The following TMEM170A variants were observed in gnomAD, a reference collection of about 807,000 sequenced individuals.
TMEM170A encodes transmembrane protein 170.
A neutral mutation model predicts 12.8 loss-of-function variants in TMEM170A; 18 were observed. That is an observed-to-expected ratio of 1.41 (90% CI 0.97 to 2.09). The LOEUF (loss-of-function observed/expected upper bound fraction) is 2.09, where lower values mean the gene tolerates loss of function less well. Among genes scored for constraint, TMEM170A ranks in the 30% most tolerant of loss-of-function variants. The pLI, the probability that TMEM170A is intolerant of heterozygous loss-of-function variation, is 0.00. For synonymous variants in TMEM170A, 107 were observed against 76.2 expected, an observed-to-expected ratio of 1.40 and a Z score of -2.11; for missense variants, 220 against 179.9, an observed-to-expected ratio of 1.22 and a Z score of -1.28.
rs1043785362 is a variant in TMEM170A, at chr16:75,443,249, A to C, written c.*4309T>G. 2 of 152,246 alleles carry C rather than the reference A, an allele frequency of 1.3e-5. No individual in the cohort carries two copies. Among genetic ancestry groups the C allele is most frequent in the African/African-American group, 4.8e-5 (2 of 41,458 alleles). The allele number at this position is 152,246 out of a possible 1,614,324, so 9.4% of individuals were successfully genotyped here. ...AATATAATTCCAACTCAGAATTGAA[A>C]GTAATTTTTTATTGATAAACATTTA... On this transcript the variant is annotated 3_prime_UTR_variant, in exon 3 of 3. Transcript: ENST00000561878.
chr16:75,460,423 C>T (rs574888013), intron 1 of TMEM170A, among the ~76,000 whole-genome samples: 2 of 152,172 alleles, frequency 1.3e-5, no homozygotes, highest in Non-Finnish European at 2.9e-5. Context: ...CCGACACAGT[C>T]CCTCCAGGCA....
intron 2 of TMEM170A, among the ~76,000 whole-genome samples, chr16:75,448,145 C>T (rs1567696744): frequency 6.6e-6 from 1 of 152,228 alleles, no homozygotes; most frequent in East Asian, 1.9e-4. Flanking sequence ...ACAGGGAATC[C>T]CCACTCCACC....
At chr16:75,456,193 A>G (rs552750822) in intron 1 of TMEM170A, among the ~76,000 whole-genome samples, 1 of 152,124 alleles carries the variant, frequency 6.6e-6, no homozygotes, top group Admixed American at 6.5e-5. Context: ...TTCAGAGCAT[A>G]TTCTGAACAC....
intron 1 of TMEM170A, among the ~76,000 whole-genome samples, chr16:75,462,815 G>T (rs1184726311): frequency 1.3e-5 from 2 of 152,116 alleles, no homozygotes; most frequent in Non-Finnish European, 2.9e-5. Flanking sequence ...GGACAATTGG[G>T]GAAATGTAAA....
At chr16:75,464,247 G>A (rs1358914395) in intron 1 of TMEM170A, 3 of 1,501,642 alleles carry the variant, frequency 2.0e-6, no homozygotes, top group African/African-American at 1.4e-5. Context: ...GCCGCTCTCT[G>A]CATCTCACGC....
At chr16:75,453,490 C>T (rs570730703) in intron 1 of TMEM170A, among the ~76,000 whole-genome samples, 1 of 152,298 alleles carries the variant, frequency 6.6e-6, no homozygotes, top group African/African-American at 2.4e-5. Flanking sequence ...ATAAGAGGCA[C>T]AAGCCAAAGA....
chr16:75,451,874 T>C (rs1452938225), intron 1 of TMEM170A, 35 bp from the exon 2 acceptor site: 2 of 1,565,376 alleles, frequency 1.3e-6, no homozygotes, highest in Non-Finnish European at 1.7e-6. Context: ...TGTGAATCAC[T>C]GCCCTTCCCA....
rs766721202 is a variant in TMEM170A, at chr16:75,445,795, T to C, written c.*1763A>G. ...TTTTAATCAGAAGCCAGAGTGTGTA[T>C]TGCTTTAAATGGAATAGATACGTTC... On this transcript the variant is annotated 3_prime_UTR_variant, in exon 3 of 3. Transcript: ENST00000561878. 6.6e-6 allele frequency: 1 copy of C among 151,996 alleles called. No homozygotes were observed. The highest frequency in any genetic ancestry group is 2.4e-5 in the African/African-American group (1 of 41,348). 9.4% of individuals were successfully genotyped at this position (151,996 alleles called of 1,614,324 possible). A position where few individuals can be genotyped will look rare whatever the true frequency, so the allele number is the denominator to read the frequency against.
chr16:75,454,463 C>G (rs192967410), intron 1 of TMEM170A, among the ~76,000 whole-genome samples: 15 of 151,212 alleles, frequency 9.9e-5, no homozygotes, highest in Admixed American at 2.0e-4. Context: ...TAAAAATACA[C>G]ACACATACAC....
At chr16:75,464,141 G>T (rs1394000724) in intron 1 of TMEM170A, 4 of 1,340,338 alleles carry the variant, frequency 3.0e-6, no homozygotes, top group Non-Finnish European at 4.1e-6. Context: ...TCCCGGGCTC[G>T]TGGGGTGCAG....
At position 75,446,672 on chromosome 16, in the gene TMEM170A, A is replaced by G. The variant is rs1165770276; in HGVS notation, c.*886T>C. On this transcript the variant is annotated 3_prime_UTR_variant, in exon 3 of 3. Transcript: ENST00000561878. ...TCATTAGTATACCAAAGTCACTAAG[A>G]AAAACTATGACAGAATGCCTAAAGT... 6.6e-6 allele frequency: 1 copy of G among 152,232 alleles called. No homozygotes were observed. Among genetic ancestry groups the G allele is most frequent in the Non-Finnish European group, 1.5e-5 (1 of 68,048 alleles). 9.4% of individuals were successfully genotyped at this position (152,232 alleles called of 1,614,324 possible).
chr16:75,459,020 A>C (rs2079851668), intron 1 of TMEM170A: 1 of 152,150 alleles, frequency 6.6e-6, no homozygotes, highest in Non-Finnish European at 1.5e-5. Context: ...CAGCCTCCCA[A>C]GTAGCTAGGA....
At position 75,444,950 on chromosome 16, in the gene TMEM170A, AGAG is replaced by A. The variant is rs1194684779; in HGVS notation, c.*2605_*2607del. The A allele has an allele frequency of 1.3e-5, 2 of 152,212 alleles. No individual in the cohort carries two copies. Among genetic ancestry groups the A allele is most frequent in the Non-Finnish European group, 2.9e-5 (2 of 68,040 alleles). The allele number at this position is 152,212 out of a possible 1,614,324, so 9.4% of individuals were successfully genotyped here. A position where few individuals can be genotyped will look rare whatever the true frequency, so the allele number is the denominator to read the frequency against. On this transcript the variant is annotated 3_prime_UTR_variant, in exon 3 of 3. Transcript: ENST00000561878. Reference sequence around the variant, plus strand: ...TCAGTACTTCAAAAGTTACTGTTTAAGAGGAGGGGCCCACTAACTACTGGTCTA... The same window carrying A: ...TCAGTACTTCAAAAGTTACTGTTTAAGAGGGGCCCACTAACTACTGGTCTA...
chr16:75,462,122 G>C (rs1260306498), intron 1 of TMEM170A, among the ~76,000 whole-genome samples: 1 of 152,200 alleles, frequency 6.6e-6, no homozygotes, highest in African/African-American at 2.4e-5. Context: ...TGGTAGTAAA[G>C]AGAGGATGCA....
chr16:75,450,464 C>T (rs1241367831), intron 2 of TMEM170A, among the ~76,000 whole-genome samples: 1 of 151,972 alleles, frequency 6.6e-6, no homozygotes, highest in Non-Finnish European at 1.5e-5. Context: ...TATGCATGAG[C>T]TTTGAAATGA....
At chr16:75,451,354 C>T (rs887124856) in intron 2 of TMEM170A, 3 of 447,300 alleles carry the variant, frequency 6.7e-6, no homozygotes, top group Non-Finnish European at 8.0e-6. Context: ...GTTCGAGACC[C>T]GGGCAACATG....
chr16:75,448,834 G>C (rs555084465), intron 2 of TMEM170A, among the ~76,000 whole-genome samples: 1 of 151,932 alleles, frequency 6.6e-6, no homozygotes, highest in East Asian at 1.9e-4. Context: ...GGCCGAGGCA[G>C]GAGGATCGCT....
At chr16:75,452,421 C>T (rs1350194865) in intron 1 of TMEM170A, among the ~76,000 whole-genome samples, 2 of 152,168 alleles carry the variant, frequency 1.3e-5, no homozygotes, top group Non-Finnish European at 2.9e-5. Context: ...ATGTGTGCTA[C>T]CACGCCTGGC....
Position 75,450,785 on chromosome 16 carries a change from C to T in TMEM170A, c.304+884G>A, listed in dbSNP as rs193272104. On this transcript the variant is annotated intron_variant, in intron 2 of 2. Transcript: ENST00000561878. ...GCAATCCTCCCATTTCAGCCTCCCA[C>T]GTAGTTGGAACCACAGGTACACACC... is the stretch of plus-strand genomic sequence containing the variant. Among the ~76,000 whole-genome samples, 413 of 152,232 alleles carry T rather than the reference C, an allele frequency of 2.7e-3. 2 individuals carry two copies. The highest frequency in any genetic ancestry group is 9.7e-3 in the African/African-American group (402 of 41,540).
Sources: gnomAD v4.1 joint callset for allele counts (sites outside exome capture counted in the v4.1 genomes callset) on GRCh38, gnomAD v4.1.1 for gene constraint, MANE v1.5 for transcripts, NCBI Gene and HGNC (gene_info 2026-07-23, HGNC 2026-07-21) for gene names.